NME8: variants seen among roughly 807,000 people sequenced by gnomAD.
NME8 encodes the protein NME/NM23 family member 8, also known as protein NME8.
NME8 carries 72 observed loss-of-function variants against 82.3 expected under a neutral mutation model. The observed-to-expected ratio is 0.87, with a 90% CI of 0.72 to 1.06. The LOEUF is 1.06. NME8 is among the 50% of genes least tolerant of loss of function. NME8 has a pLI of 0.00. For missense variants in NME8, 712 were observed against 685.4 expected, an observed-to-expected ratio of 1.04 and a Z score of -0.43; for synonymous variants, 267 against 228.5, an observed-to-expected ratio of 1.17 and a Z score of -1.52.
chr7:37,864,360 G>A lies in NME8; in HGVS notation c.467G>A (p.Ser156Asn), dbSNP rs1298251284. The A allele has an allele frequency of 6.3e-7, 1 of 1,592,856 alleles. No homozygotes were observed. The highest frequency in any genetic ancestry group is 1.3e-5 in the African/African-American group (1 of 74,542). Residue 156 changes from serine to asparagine, a missense_variant, in exon 9 of 18, where the codon AGT becomes AAT. Coordinates refer to ENST00000199447, the MANE Select transcript of NME8 (RefSeq NM_016616.5). ...AATTTTTTTCCAGAGGAATTATACA[G>A]TATTGCTATTATCAAACCGGATGCT... ...SPCESVQELY[S>N]IAIIKPDAVI...
chr7:37,855,151 C>G (rs1784493322), intron 5 of NME8, among the ~76,000 whole-genome samples: 1 of 152,072 alleles, frequency 6.6e-6, no homozygotes, highest in African/African-American at 2.4e-5. Flanking sequence ...ATTTTGAGAC[C>G]TTTGATGTCG....
intron 5 of NME8, among the ~76,000 whole-genome samples, chr7:37,852,221 A>G (rs547252162): frequency 6.6e-6 from 1 of 152,094 alleles, no homozygotes; most frequent in Non-Finnish European, 1.5e-5. Context: ...GGCTCATAGC[A>G]AAATTTACCA....
chr7:37,862,062 ATGCACCGCTTG>A lies in NME8; in HGVS notation c.307_317del (p.Ala103Ter). ...ATTATCGAAAAGATTCAGGGTGCAA[ATGCACCGCTTG>A]TTAATAAAAAAGTTATTAATTTGAT... On this transcript the variant is annotated frameshift_variant, in exon 7 of 18. Coordinates refer to ENST00000199447, the MANE Select transcript of NME8 (RefSeq NM_016616.5). LOFTEE classifies it high-confidence loss of function. 6.2e-7 allele frequency: 1 copy of A among 1,613,642 alleles called. No individual in the cohort carries two copies. Among genetic ancestry groups the A allele is most frequent in the Non-Finnish European group, 8.5e-7 (1 of 1,179,664 alleles).
intron 15 of NME8, among the ~76,000 whole-genome samples, chr7:37,891,597 G>T (rs112471943): frequency 2.6e-5 from 4 of 151,776 alleles, no homozygotes; most frequent in Non-Finnish European, 3.0e-5. Flanking sequence ...AAATTTATTT[G>T]TTCTGTAAGC....
chr7:37,890,761 T>C (rs910505625), intron 15 of NME8, among the ~76,000 whole-genome samples: 1 of 152,046 alleles, frequency 6.6e-6, no homozygotes, highest in Admixed American at 6.6e-5. Context: ...ATTTCATTAC[T>C]TTTTATAGCT....
In NME8 at chr7:37,875,573, AT is replaced by A. The variant is rs202176452; in HGVS notation, c.819-1252del. 1.9e-3 allele frequency among the ~76,000 whole-genome samples: 289 copies of A among 152,012 alleles called. 6 individuals carry two copies. In the East Asian group the frequency reaches 0.045, roughly 24 times the overall value. On this transcript the variant is annotated intron_variant, in intron 11 of 17. Transcript: ENST00000199447. ...GTCTTGCAACTTTTCTATTAATTTA[AT>A]TTTTTTCAAAATAAAAAATTTAAAC...
chr7:37,869,507 C>T (rs1401722555), intron 11 of NME8, among the ~76,000 whole-genome samples: 2 of 152,142 alleles, frequency 1.3e-5, no homozygotes, highest in Non-Finnish European at 2.9e-5. Context: ...ACCTCCATTA[C>T]AACCAACTTT....
intron 5 of NME8, among the ~76,000 whole-genome samples, chr7:37,853,966 T>G (rs1368088131): frequency 6.6e-6 from 1 of 150,462 alleles, no homozygotes; most frequent in Non-Finnish European, 1.5e-5. Flanking sequence ...AATTTATGTA[T>G]TATAATATAA....
At chr7:37,862,214 T>C in intron 7 of NME8, 70 bp downstream of exon 7, 7 of 989,300 alleles carry the variant, frequency 7.1e-6, no homozygotes, top group Non-Finnish European at 1.1e-5. Flanking sequence ...CAAAATGCAC[T>C]ACTGGTGCTA....
Position 37,867,869 on chromosome 7 carries a change from A to G in NME8, c.789A>G (p.Thr263=). 1 of 1,613,820 alleles carries G rather than the reference A, an allele frequency of 6.2e-7. No individual in the cohort carries two copies. Among genetic ancestry groups the G allele is most frequent in the Non-Finnish European group, 8.5e-7 (1 of 1,179,826 alleles). The change falls in exon 11 of 18, where the codon ACA becomes ACG. Residue 263 remains threonine (T), a synonymous_variant. Transcript: ENST00000199447. ...EDQPEVEAQV[T]PGMMKNKQDS... The stretch of plus-strand genomic sequence containing the variant: ...AACCTGAGGTCGAAGCCCAGGTTAC[A>G]CCTGGAATGATGAAGAACAAACAAG...
chr7:37,850,308 G>C lies in NME8; in HGVS notation c.33+9G>C. ...GAGAAGTCCAGTTACAGGTGGGTCT[G>C]ACATATCAACAATTCTTTATCTGGT... On this transcript the variant is annotated intron_variant, in intron 3 of 17. Coordinates refer to ENST00000199447, the MANE Select transcript of NME8 (RefSeq NM_016616.5). The C allele has an allele frequency of 6.2e-7, 1 of 1,614,140 alleles. No individual in the cohort carries two copies. The highest frequency in any genetic ancestry group is 1.3e-5 in the African/African-American group (1 of 75,048).
At chr7:37,864,660 T>C (rs922927617) in intron 9 of NME8, among the ~76,000 whole-genome samples, 28 of 152,176 alleles carry the variant, frequency 1.8e-4, no homozygotes, top group African/African-American at 6.5e-4. Flanking sequence ...ATTATAGTTC[T>C]TATACTAGAT....
intron 15 of NME8, among the ~76,000 whole-genome samples, chr7:37,890,555 A>C (rs920555062): frequency 2.0e-5 from 3 of 151,890 alleles, no homozygotes; most frequent in African/African-American, 7.2e-5. Flanking sequence ...CCATAGACTT[A>C]TCTCTCCCTA....
In NME8 at chr7:37,867,825, A is replaced by T; in HGVS notation, c.745A>T (p.Asn249Tyr). 1 of 1,613,894 alleles carries T rather than the reference A, an allele frequency of 6.2e-7. No individual in the cohort carries two copies. Among genetic ancestry groups the T allele is most frequent in the South Asian group, 1.1e-5 (1 of 91,078 alleles). The change falls in exon 11 of 18, where the codon AAC becomes TAC. Residue 249 changes from asparagine (N) to tyrosine (Y), a missense_variant. Physicochemically the swap from Asn to Tyr is moderately radical, Grantham distance 143 (BLOSUM62 -2). Coordinates refer to ENST00000199447, the MANE Select transcript of NME8 (RefSeq NM_016616.5). Reference protein sequence around the residue: ...ETEPQTDTEPNERSEDQPEVE... With the variant: ...ETEPQTDTEPYERSEDQPEVE... ...CGAACCACAGACTGACACCGAACCT[A>T]ACGAACGATCTGAGGATCAACCTGA...
chr7:37,852,709 T>C (rs1168519051), intron 5 of NME8, among the ~76,000 whole-genome samples: 1 of 152,230 alleles, frequency 6.6e-6, no homozygotes, highest in Admixed American at 6.5e-5. Context: ...TATCTGGATA[T>C]ACCAGGGTTT....
intron 15 of NME8, among the ~76,000 whole-genome samples, chr7:37,891,517 T>C (rs1393725073): frequency 6.6e-6 from 1 of 152,028 alleles, no homozygotes; most frequent in East Asian, 1.9e-4. Context: ...TTATATTTAC[T>C]TTACATGTTA....
At chr7:37,884,281 T>C in intron 12 of NME8, 22 bp from the exon 13 acceptor site, 2 of 1,486,912 alleles carry the variant, frequency 1.3e-6, no homozygotes, top group Non-Finnish European at 1.9e-6. Flanking sequence ...TTAAAACTTA[T>C]TATGTAACTG....
chr7:37,890,617 C>T (rs1179172107), intron 15 of NME8, among the ~76,000 whole-genome samples: 1 of 151,950 alleles, frequency 6.6e-6, no homozygotes, highest in African/African-American at 2.4e-5. Flanking sequence ...ATTCTGCTCT[C>T]TACTTCTAGG....
At chr7:37,899,860 C>G (rs1304998921) in intron 17 of NME8, among the ~76,000 whole-genome samples, 6 of 152,136 alleles carry the variant, frequency 3.9e-5, no homozygotes, top group Admixed American at 3.9e-4. Flanking sequence ...ACCCCACAAC[C>G]CTCGCCTTTA....
Sources: gnomAD v4.1 joint callset for allele counts (sites outside exome capture counted in the v4.1 genomes callset) on GRCh38, gnomAD v4.1.1 for gene constraint, MANE v1.5 for transcripts, NCBI Gene and HGNC (gene_info 2026-07-23, HGNC 2026-07-21) for gene names.